LRP1B: variants seen among roughly 807,000 people sequenced by gnomAD.
The protein encoded by LRP1B is LDL receptor related protein 1B.
A neutral mutation model predicts 556.6 loss-of-function variants in LRP1B; 217 were observed. The ratio of observed to expected loss-of-function variants is 0.39; its 90% CI spans 0.35 to 0.44. LRP1B has a LOEUF of 0.44. Ranked by LOEUF, LRP1B falls within the 20% of genes least tolerant of loss-of-function variation. LRP1B has a pLI of 1.00. For missense variants in LRP1B, 5,053 were observed against 5,620.8 expected (o/e 0.90, Z 3.23); for synonymous variants, 2,047 against 1,865.8 (o/e 1.10, Z -2.50).
intron 2 of LRP1B, among the ~76,000 whole-genome samples, chr2:141,672,150 C>T (rs1349444200): frequency 6.6e-6 from 1 of 152,064 alleles, no homozygotes; most frequent in African/African-American, 2.4e-5. Context: ...TAGATTAACT[C>T]CCAATTTTCA....
In LRP1B at chr2:140,486,964, A is replaced by AT. The variant is rs199943125; in HGVS notation, c.9243+652dup. On this transcript the variant is annotated intron_variant, in intron 58 of 90. Transcript: ENST00000389484. ...AGATGGCTACAAAAAAGTTAAAGTA[A>AT]TTGATGGGTTTCATTCACTTGAATT... Among the ~76,000 whole-genome samples, 1,134 of 152,052 alleles carry AT rather than the reference A, an allele frequency of 7.5e-3. 13 individuals carry two copies. Among genetic ancestry groups the AT allele is most frequent in the African/African-American group, 0.026 (1,071 of 41,564 alleles).
intron 2 of LRP1B, among the ~76,000 whole-genome samples, chr2:141,522,193 C>A (rs965333385): frequency 6.6e-6 from 1 of 152,060 alleles, no homozygotes. Flanking sequence ...GGACAGTGGC[C>A]GAACAATCTG....
At chr2:140,685,841 A>G (rs1031432019) in intron 41 of LRP1B, among the ~76,000 whole-genome samples, 7 of 152,188 alleles carry the variant, frequency 4.6e-5, no homozygotes, top group South Asian at 2.1e-4. Context: ...ACCACTTAAC[A>G]TATCTTTGGG....
At chr2:140,619,956 ACAT>A (rs1216837399) in intron 41 of LRP1B, among the ~76,000 whole-genome samples, 2 of 152,214 alleles carry the variant, frequency 1.3e-5, no homozygotes, top group Non-Finnish European at 2.9e-5. Context: ...ATATTTTTAA[ACAT>A]CATATTTTTT....
rs1192020534 is a variant in LRP1B, at chr2:141,638,930, TACATACACACACGC to T, written c.206-158411_206-158398del. ...GTGTGTGTGTATACATACACACATATACATACACACACGCACATACACACACATATATATATATG... is the reference window on the plus strand; with the variant it reads ...GTGTGTGTGTATACATACACACATATACATACACACACATATATATATATG... On this transcript the variant is annotated intron_variant, in intron 2 of 90. Coordinates refer to ENST00000389484, the MANE Select transcript of LRP1B (RefSeq NM_018557.3). 3.5e-5 allele frequency among the ~76,000 whole-genome samples: 2 copies of T among 57,230 alleles called. 1 individual carries two copies. The highest frequency in any genetic ancestry group is 7.9e-5 in the Non-Finnish European group (2 of 25,426). The allele number at this position is 57,230 out of a possible 152,430, so 37.5% of individuals were successfully genotyped here.
rs1453176138 is a variant in LRP1B at position 142,130,833 on chromosome 2, G to T, written c.-104C>A. 2.3e-6 allele frequency: 2 copies of T among 868,768 alleles called. No homozygotes were observed. The highest frequency in any genetic ancestry group is 1.7e-5 in the African/African-American group (1 of 59,536). The allele number at this position is 868,768 out of a possible 1,614,324, so 53.8% of individuals were successfully genotyped here. A position where few individuals can be genotyped will look rare whatever the true frequency, so the allele number is the denominator to read the frequency against. ...GGCCGCTTGGAGCCTGGAATCGAGC[G>T]GCGTCATTTACAAATGTCACTGGAA... is the stretch of plus-strand genomic sequence containing the variant. On this transcript the variant is annotated 5_prime_UTR_variant, in exon 1 of 91. Transcript: ENST00000389484.
intron 47 of LRP1B, among the ~76,000 whole-genome samples, chr2:140,529,463 T>C (rs1476565773): frequency 6.6e-6 from 1 of 151,704 alleles, no homozygotes; most frequent in African/African-American, 2.4e-5. Context: ...TTTGCTCTCA[T>C]ATCTCCTTTT....
intron 1 of LRP1B, among the ~76,000 whole-genome samples, chr2:142,049,555 A>G (rs2105229085): frequency 6.6e-6 from 1 of 152,214 alleles, no homozygotes; most frequent in Middle Eastern, 3.4e-3. Flanking sequence ...GAGGTATTAC[A>G]GTGTTTGGCT....
intron 2 of LRP1B, among the ~76,000 whole-genome samples, chr2:141,795,857 AATATATATAT>A (rs1198211801): frequency 7.0e-4 from 36 of 51,610 alleles, no homozygotes; most frequent in Admixed American, 2.5e-3. Flanking sequence ...AACCAGGAGC[AATATATATAT>A]ATATATATAT....
intron 20 of LRP1B, among the ~76,000 whole-genome samples, chr2:140,930,015 T>G (rs1428173371): frequency 6.6e-6 from 1 of 152,070 alleles, no homozygotes; most frequent in Admixed American, 6.6e-5. Context: ...TTCCTCCGGA[T>G]GGAGAGCTAC....
intron 1 of LRP1B, among the ~76,000 whole-genome samples, chr2:142,015,630 C>G (rs914352266): frequency 6.6e-6 from 1 of 152,066 alleles, no homozygotes; most frequent in Non-Finnish European, 1.5e-5. Context: ...ACTCATCTGA[C>G]AAAGGGCTAA....
At chr2:140,847,123 T>G (rs564020741) in intron 29 of LRP1B, among the ~76,000 whole-genome samples, 1 of 152,294 alleles carries the variant, frequency 6.6e-6, no homozygotes, top group African/African-American at 2.4e-5. Context: ...TTCCCCAGCC[T>G]AGTCTAGGCT....
intron 2 of LRP1B, among the ~76,000 whole-genome samples, chr2:141,638,034 C>A (rs1240701625): frequency 6.6e-6 from 1 of 152,080 alleles, no homozygotes; most frequent in African/African-American, 2.4e-5. Flanking sequence ...AATCCCATCT[C>A]TACAAAAAAT....
chr2:141,652,065 A>G (rs1461657731), intron 2 of LRP1B, among the ~76,000 whole-genome samples: 1 of 152,248 alleles, frequency 6.6e-6, no homozygotes, highest in Non-Finnish European at 1.5e-5. Flanking sequence ...GGATCTGATC[A>G]TAACACACAA....
chr2:141,732,874 A>T (rs1420459301), intron 2 of LRP1B, among the ~76,000 whole-genome samples: 1 of 152,178 alleles, frequency 6.6e-6, no homozygotes, highest in Non-Finnish European at 1.5e-5. Flanking sequence ...TGTCAATTAT[A>T]AAATAGATTG....
At chr2:141,688,101 G>A (rs1691378544) in intron 2 of LRP1B, among the ~76,000 whole-genome samples, 4 of 151,306 alleles carry the variant, frequency 2.6e-5, no homozygotes, top group South Asian at 4.2e-4. Flanking sequence ...TTAAGTCATG[G>A]GCTAGGATTA....
intron 2 of LRP1B, among the ~76,000 whole-genome samples, chr2:141,725,568 C>T (rs1692998669): frequency 1.3e-5 from 2 of 151,674 alleles, no homozygotes; most frequent in Non-Finnish European, 3.0e-5. Context: ...GGGTATTTTG[C>T]AATTTGGGAA....
intron 3 of LRP1B, among the ~76,000 whole-genome samples, chr2:141,451,704 T>A (rs34943179): frequency 6.6e-6 from 1 of 152,120 alleles, no homozygotes; most frequent in East Asian, 1.9e-4. Flanking sequence ...CCTTTTCTAC[T>A]CTCTTATTGT....
chr2:141,543,498 G>A (rs1243751572), intron 2 of LRP1B, among the ~76,000 whole-genome samples: 1 of 119,282 alleles, frequency 8.4e-6, no homozygotes, highest in Non-Finnish European at 1.7e-5. Context: ...TCCAGCCTGG[G>A]TAAGAAAGCG....
Sources: gnomAD v4.1 joint callset for allele counts (sites outside exome capture counted in the v4.1 genomes callset) on GRCh38, gnomAD v4.1.1 for gene constraint, MANE v1.5 for transcripts, NCBI Gene and HGNC (gene_info 2026-07-23, HGNC 2026-07-21) for gene names.